The following DLGAP2 variants were observed in gnomAD, a reference collection of about 807,000 sequenced individuals.
DLGAP2 encodes disks large-associated protein 2.
A neutral mutation model predicts 100.3 loss-of-function variants in DLGAP2; 26 were observed. That is an observed-to-expected ratio of 0.26 (90% confidence interval 0.19 to 0.36). The LOEUF (loss-of-function observed/expected upper bound fraction) is 0.36. DLGAP2 is among the 10% of genes least tolerant of loss of function. The pLI, the probability that DLGAP2 is intolerant of heterozygous loss-of-function variation, is 1.00. For missense variants in DLGAP2, 1,858 were observed against 1,453.2 expected, an observed-to-expected ratio of 1.28 and a Z score of -4.53; for synonymous variants, 886 against 630.1, an observed-to-expected ratio of 1.41 and a Z score of -6.08.
In DLGAP2 at chr8:1,594,097, G is replaced by C. The variant is rs543096669; in HGVS notation, c.1442+28203G>C. ...ACAGCTACCTTCTTCTCTCTGGGAAGGGAAAGAATTGGCTGAGACCCTCAG... is the reference window on the plus strand; with the variant it reads ...ACAGCTACCTTCTTCTCTCTGGGAACGGAAAGAATTGGCTGAGACCCTCAG... On this transcript the variant is annotated intron_variant, in intron 6 of 14. Transcript: ENST00000637795. Among the ~76,000 whole-genome samples, 8 of 152,316 alleles carry C rather than the reference G, an allele frequency of 5.3e-5. No homozygotes were observed. The South Asian group carries it at 1.4e-3, about 28-fold the overall frequency.
rs1799728933 is a variant in DLGAP2 at position 1,707,104 on chromosome 8, A to G, written c.*5698A>G. ...ACTTTTTAACAGATTTTGTATATAC[A>G]CACACAAGTTGACAGAGGTTTACCT... On this transcript the variant is annotated 3_prime_UTR_variant, in exon 15 of 15. Transcript: ENST00000637795. The G allele has an allele frequency of 6.6e-6, 1 of 152,644 alleles. No homozygotes were observed. The highest frequency in any genetic ancestry group is 1.5e-5 in the Non-Finnish European group (1 of 68,048). 9.5% of individuals were successfully genotyped at this position (152,644 alleles called of 1,614,324 possible).
At chr8:1,442,752 C>T (rs1337827664) in intron 3 of DLGAP2, among the ~76,000 whole-genome samples, 4 of 148,228 alleles carry the variant, frequency 2.7e-5, no homozygotes, top group Non-Finnish European at 5.9e-5. Flanking sequence ...GGTTCAGCCA[C>T]TGGAGGAGAC....
intron 6 of DLGAP2, among the ~76,000 whole-genome samples, chr8:1,582,819 A>T (rs1453288714): frequency 6.6e-6 from 1 of 152,160 alleles, no homozygotes; most frequent in Non-Finnish European, 1.5e-5. Context: ...ACTGGTCTCA[A>T]ACTCCTGACC....
At chr8:1,206,890 G>A (rs566223957) in intron 2 of DLGAP2, among the ~76,000 whole-genome samples, 4 of 152,122 alleles carry the variant, frequency 2.6e-5, no homozygotes, top group South Asian at 4.2e-4. Context: ...CCCTGTCCCC[G>A]GTCTGCCCCC....
rs1000918897 is a variant in DLGAP2, at chr8:1,701,512, C to T, written c.*106C>T. The T allele has an allele frequency of 5.0e-6, 6 of 1,211,766 alleles. No homozygotes were observed. The highest frequency in any genetic ancestry group is 6.7e-6 in the Non-Finnish European group (6 of 889,448). 75.1% of individuals were successfully genotyped at this position (1,211,766 alleles called of 1,614,324 possible). A position where few individuals can be genotyped will look rare whatever the true frequency, so the allele number is the denominator to read the frequency against. ...GTCTCCTCCTCCCGCTGAACACGTC[C>T]TCGCTCCCGCGCTCCCCGCGCCCCG... On this transcript the variant is annotated 3_prime_UTR_variant, in exon 15 of 15. Transcript: ENST00000637795.
chr8:1,329,592 C>T (rs538089547), intron 3 of DLGAP2, among the ~76,000 whole-genome samples: 5 of 152,152 alleles, frequency 3.3e-5, no homozygotes, highest in Non-Finnish European at 2.9e-5. Flanking sequence ...CTGACTACTC[C>T]GTCCTGGTTC....
intron 2 of DLGAP2, among the ~76,000 whole-genome samples, chr8:931,391 C>T (rs1798953104): frequency 6.6e-6 from 1 of 152,260 alleles, no homozygotes; most frequent in South Asian, 2.1e-4. Flanking sequence ...CTCCCGCCTC[C>T]TGGCTCTGGA....
intron 3 of DLGAP2, among the ~76,000 whole-genome samples, chr8:1,275,164 C>T (rs921750065): frequency 2.0e-5 from 3 of 152,164 alleles, no homozygotes; most frequent in African/African-American, 7.2e-5. Context: ...CACAGAGCAA[C>T]TCTGGAGTTA....
At chr8:1,695,200 C>G (rs1269193493) in intron 13 of DLGAP2, among the ~76,000 whole-genome samples, 2 of 152,216 alleles carry the variant, frequency 1.3e-5, no homozygotes, top group Admixed American at 1.3e-4. Flanking sequence ...CAGGCACAGC[C>G]GTGCCCGGCC....
chr8:985,693 C>T (rs920411140), intron 2 of DLGAP2, among the ~76,000 whole-genome samples: 3 of 152,108 alleles, frequency 2.0e-5, no homozygotes, highest in African/African-American at 4.8e-5. Flanking sequence ...GAATATTTTG[C>T]CTTTGTTAAT....
At chr8:1,142,786 G>C (rs551484164) in intron 2 of DLGAP2, among the ~76,000 whole-genome samples, 1 of 152,170 alleles carries the variant, frequency 6.6e-6, no homozygotes, top group Admixed American at 6.5e-5. Flanking sequence ...GTTAGGCAGA[G>C]GATTGAAAAG....
intron 3 of DLGAP2, among the ~76,000 whole-genome samples, chr8:1,276,096 A>G (rs1799688351): frequency 7.0e-6 from 1 of 143,632 alleles, no homozygotes; most frequent in South Asian, 2.1e-4. Flanking sequence ...ATGTGTATAT[A>G]ATATATAAAT....
chr8:1,324,706 T>A (rs1006095098), intron 3 of DLGAP2, among the ~76,000 whole-genome samples: 4 of 152,242 alleles, frequency 2.6e-5, no homozygotes, highest in Non-Finnish European at 5.9e-5. Context: ...TCACAATTCC[T>A]TAACTGTTGA....
At chr8:838,347 C>A (rs1025931138) in intron 1 of DLGAP2, among the ~76,000 whole-genome samples, 1 of 151,984 alleles carries the variant, frequency 6.6e-6, no homozygotes, top group African/African-American at 2.4e-5. Context: ...TCACACAAAT[C>A]CTTATTCACT....
chr8:879,458 G>C (rs150342271), intron 1 of DLGAP2, among the ~76,000 whole-genome samples: 2 of 152,168 alleles, frequency 1.3e-5, no homozygotes, highest in African/African-American at 2.4e-5. Context: ...GGTGTTGAGC[G>C]CTAGGCTCAG....
At chr8:1,437,915 G>C (rs1397989853) in intron 3 of DLGAP2, among the ~76,000 whole-genome samples, 7 of 151,740 alleles carry the variant, frequency 4.6e-5, no homozygotes, top group Admixed American at 3.3e-4. Context: ...GAACCCTGGA[G>C]ATGGAGGTTG....
rs144421144 is a variant in DLGAP2 at position 1,121,850 on chromosome 8, A to G, written c.74-137001A>G. Among the ~76,000 whole-genome samples the G allele has an allele frequency of 2.2e-3, 339 of 152,344 alleles. 1 individual carries two copies. The highest frequency in any genetic ancestry group is 7.9e-3 in the African/African-American group (329 of 41,584). On this transcript the variant is annotated intron_variant, in intron 2 of 14. Transcript: ENST00000637795. ...CATGACAACACATCCTTGTCTCTTC[A>G]GAACTTATAACCTTCTATCCTTGTT... is the stretch of plus-strand genomic sequence containing the variant.
chr8:1,320,621 C>G (rs951513696), intron 3 of DLGAP2, among the ~76,000 whole-genome samples: 1 of 152,192 alleles, frequency 6.6e-6, no homozygotes, highest in African/African-American at 2.4e-5. Context: ...ATTCTAAGTT[C>G]TGGTCATATG....
intron 2 of DLGAP2, among the ~76,000 whole-genome samples, chr8:1,067,557 A>T (rs1803294342): frequency 6.6e-6 from 1 of 150,800 alleles, no homozygotes; most frequent in Non-Finnish European, 1.5e-5. Flanking sequence ...AACCATTTCC[A>T]TGCCCATTTT....
Sources: allele counts gnomAD v4.1 joint callset (sites outside exome capture counted in the v4.1 genomes callset), GRCh38; gene constraint gnomAD v4.1.1; transcripts MANE v1.5; gene names NCBI Gene and HGNC (gene_info 2026-07-23, HGNC 2026-07-21).